TACC2: variants seen among roughly 807,000 people sequenced by gnomAD.
TACC2 encodes the protein transforming acidic coiled-coil containing protein 2.
A neutral mutation model predicts 227.3 loss-of-function variants in TACC2; 137 were observed. The ratio of observed to expected loss-of-function variants is 0.60; its 90% CI spans 0.52 to 0.69. The LOEUF is 0.69. Ranked by LOEUF, TACC2 falls within the 30% of genes least tolerant of loss-of-function variation. The pLI, the probability that TACC2 is intolerant of heterozygous loss-of-function variation, is 0.00. For synonymous variants in TACC2, 1,523 were observed against 1,487.5 expected, an observed-to-expected ratio of 1.02 and a Z score of -0.55; for missense variants, 3,470 against 3,694.4, an observed-to-expected ratio of 0.94 and a Z score of 1.57.
chr10:122,230,351 G>T lies in TACC2; in HGVS notation c.8038G>T (p.Glu2680Ter). 1 of 1,614,026 alleles carries T rather than the reference G, an allele frequency of 6.2e-7. No homozygotes were observed. Among genetic ancestry groups the T allele is most frequent in the Non-Finnish European group, 8.5e-7 (1 of 1,179,882 alleles). ...NPPLFAQKLQ[E>*]ELEFAIMRIE... ...GTTTGCCCACACTCCCTGTGGGCAG[G>T]AGGAGTTAGAGTTTGCCATCATGCG... The change falls in exon 16 of 23, where the codon GAG becomes TAG. Residue 2680 changes from glutamate to a stop codon, truncating the protein, a stop_gained and splice_region_variant. Coordinates refer to ENST00000369005, the MANE Select transcript of TACC2 (RefSeq NM_206862.4). LOFTEE classifies it high-confidence loss of function.
intron 18 of TACC2, among the ~76,000 whole-genome samples, chr10:122,238,481 C>T (rs1031171626): frequency 2.0e-5 from 3 of 152,180 alleles, no homozygotes; most frequent in Non-Finnish European, 4.4e-5. Flanking sequence ...GAGTTTCGCT[C>T]TTGTTGCCCA....
At chr10:122,146,824 C>T (rs977989970) in intron 7 of TACC2, among the ~76,000 whole-genome samples, 3 of 152,178 alleles carry the variant, frequency 2.0e-5, no homozygotes, top group Admixed American at 6.5e-5. Flanking sequence ...GGATCCCATC[C>T]AGGAAACCAC....
intron 3 of TACC2, among the ~76,000 whole-genome samples, chr10:122,077,137 A>G (rs2078913520): frequency 6.6e-6 from 1 of 151,006 alleles, no homozygotes; most frequent in African/African-American, 2.4e-5. Context: ...AAAAAAAAGA[A>G]TGTTCATAAT....
intron 1 of TACC2, among the ~76,000 whole-genome samples, chr10:122,006,356 G>C (rs2135215197): frequency 6.6e-6 from 1 of 152,270 alleles, no homozygotes; most frequent in East Asian, 1.9e-4. Context: ...GGCTGAGGCA[G>C]GAGAATGGTG....
At chr10:122,164,161 T>C (rs1307644550) in intron 7 of TACC2, among the ~76,000 whole-genome samples, 1 of 152,206 alleles carries the variant, frequency 6.6e-6, no homozygotes, top group East Asian at 1.9e-4. Flanking sequence ...GAGGAGCATC[T>C]GGTAGCCCCA....
chr10:122,021,398 G>A (rs563366293), intron 1 of TACC2, among the ~76,000 whole-genome samples: 3 of 152,258 alleles, frequency 2.0e-5, no homozygotes, highest in African/African-American at 7.2e-5. Flanking sequence ...TAAAAAGTGT[G>A]TGCAGAAGTG....
intron 7 of TACC2, among the ~76,000 whole-genome samples, chr10:122,170,839 G>A (rs749701859): frequency 6.6e-6 from 1 of 152,164 alleles, no homozygotes; most frequent in Non-Finnish European, 1.5e-5. Flanking sequence ...ACACCGTCCA[G>A]CCTCAGAGAC....
intron 2 of TACC2, among the ~76,000 whole-genome samples, chr10:122,027,403 A>G (rs995192708): frequency 1.3e-5 from 2 of 151,948 alleles, no homozygotes; most frequent in African/African-American, 4.8e-5. Context: ...TTGTCTTCTT[A>G]TTCTCTTGAG....
At position 122,141,150 on chromosome 10, in the gene TACC2, A is replaced by C. The variant is rs567194746; in HGVS notation, c.5700-2422A>C. ...GGCCTGGCGGGCTGATGGTGCCACT[A>C]CCTTGCTGGGAAAATTGGGGGAGGA... is the stretch of plus-strand genomic sequence containing the variant. On this transcript the variant is annotated intron_variant, in intron 6 of 22. Transcript: ENST00000369005. This position sits in a 1 kb window ranked among gnomAD's most constrained non-coding sequence, Gnocchi z 4.3. Among the ~76,000 whole-genome samples the C allele has an allele frequency of 2.6e-5, 4 of 152,044 alleles. No individual in the cohort carries two copies. Among genetic ancestry groups the C allele is most frequent in the East Asian group, 3.9e-4 (2 of 5,154 alleles).
At chr10:122,060,281 G>C (rs972690028) in intron 3 of TACC2, among the ~76,000 whole-genome samples, 2 of 152,102 alleles carry the variant, frequency 1.3e-5, no homozygotes, top group African/African-American at 4.8e-5. Context: ...GGGGCCAGGC[G>C]GTCAAAGAAG....
intron 5 of TACC2, among the ~76,000 whole-genome samples, chr10:122,095,980 C>G (rs2081341350): frequency 6.6e-6 from 1 of 152,240 alleles, no homozygotes; most frequent in African/African-American, 2.4e-5. Flanking sequence ...TGCATTACGT[C>G]AGAGGCTAAT....
At chr10:122,196,946 A>AC (rs550782602) in intron 8 of TACC2, among the ~76,000 whole-genome samples, 261 of 150,066 alleles carry the variant, frequency 1.7e-3, no homozygotes, top group Non-Finnish European at 3.1e-3. Flanking sequence ...AAAAAAAAAA[A>AC]AAAAACAAAA....
chr10:122,111,406 C>G (rs1451780683), intron 5 of TACC2, among the ~76,000 whole-genome samples: 1 of 152,194 alleles, frequency 6.6e-6, no homozygotes, highest in African/African-American at 2.4e-5. Flanking sequence ...CATCTTAGCT[C>G]GTTGCCCAGT....
At chr10:122,005,533 C>T (rs1203268844) in intron 1 of TACC2, among the ~76,000 whole-genome samples, 1 of 150,864 alleles carries the variant, frequency 6.6e-6, no homozygotes, top group Non-Finnish European at 1.5e-5. Flanking sequence ...TACAGGCGCT[C>T]ACCACCACGC....
intron 2 of TACC2, among the ~76,000 whole-genome samples, chr10:122,032,220 G>T (rs997523779): frequency 1.3e-5 from 2 of 152,158 alleles, no homozygotes; most frequent in Middle Eastern, 3.2e-3. Flanking sequence ...AAGGCAGCAC[G>T]TATCTATGAC....
chr10:122,077,008 G>A (rs1021830384), intron 3 of TACC2, among the ~76,000 whole-genome samples: 6 of 151,746 alleles, frequency 4.0e-5, no homozygotes, highest in African/African-American at 1.2e-4. Flanking sequence ...CCAGCCACTC[G>A]GGAGGCTGAG....
At chr10:122,060,536 C>G (rs1454543575) in intron 3 of TACC2, among the ~76,000 whole-genome samples, 2 of 152,240 alleles carry the variant, frequency 1.3e-5, no homozygotes, top group Non-Finnish European at 2.9e-5. Context: ...CTATCTAAGG[C>G]TCTTTTCACC....
intron 1 of TACC2, among the ~76,000 whole-genome samples, chr10:121,996,782 C>G (rs925394062): frequency 6.6e-6 from 1 of 152,130 alleles, no homozygotes; most frequent in Non-Finnish European, 1.5e-5. Context: ...GCTGAATCAT[C>G]TAAGCAGAGA....
Position 122,180,890 on chromosome 10 carries a change from C to T in TACC2, c.5835-14150C>T, listed in dbSNP as rs373702279. 2.0e-5 allele frequency among the ~76,000 whole-genome samples: 3 copies of T among 152,112 alleles called. No homozygotes were observed. Among genetic ancestry groups the T allele is most frequent in the South Asian group, 2.1e-4 (1 of 4,826 alleles). ...CCTGCCTCAGCTGGGATTACAGGCACGCGCCCCCATGTCCACCTAATTTTT... is the reference window on the plus strand; with the variant it reads ...CCTGCCTCAGCTGGGATTACAGGCATGCGCCCCCATGTCCACCTAATTTTT... On this transcript the variant is annotated intron_variant, in intron 7 of 22. Coordinates refer to ENST00000369005, the MANE Select transcript of TACC2 (RefSeq NM_206862.4). The surrounding 1 kb of genome is among the most constrained non-coding windows in gnomAD (Gnocchi z 4.5).
Sources: gnomAD v4.1 joint callset for allele counts (sites outside exome capture counted in the v4.1 genomes callset) on GRCh38, gnomAD v4.1.1 for gene constraint, Gnocchi (gnomAD v3.1) non-coding constraint, MANE v1.5 for transcripts, NCBI Gene and HGNC (gene_info 2026-07-23, HGNC 2026-07-21) for gene names.